The following CARS2 variants were observed in gnomAD, a reference collection of about 807,000 sequenced individuals.
CARS2 encodes probable cysteine--tRNA ligase, mitochondrial.
In CARS2, 52 loss-of-function variants were observed where a neutral mutation model predicts 68.8. The observed-to-expected ratio is 0.76, with a 90% CI of 0.61 to 0.95. The LOEUF is 0.95. CARS2 is among the 40% of genes least tolerant of loss of function. The pLI, the probability that CARS2 is intolerant of heterozygous loss-of-function variation, is 0.00. For missense variants in CARS2, 780 were observed against 754.2 expected (o/e 1.03, Z -0.40); for synonymous variants, 314 against 303.6 (o/e 1.03, Z -0.36).
At chr13:110,659,543 G>A (rs1053273534) in intron 9 of CARS2, among the ~76,000 whole-genome samples, 1 of 151,388 alleles carries the variant, frequency 6.6e-6, no homozygotes, top group African/African-American at 2.4e-5. Flanking sequence ...GCAGACCTCA[G>A]ACATACTGAA....
At chr13:110,647,824 TG>T (rs1202015282) in intron 10 of CARS2, among the ~76,000 whole-genome samples, 2 of 152,254 alleles carry the variant, frequency 1.3e-5, no homozygotes, top group African/African-American at 4.8e-5. Context: ...TGCATTCTGA[TG>T]GGTAAGACAA....
Position 110,650,992 on chromosome 13 carries a change from C to G in CARS2, c.1054+42G>C. ...TTCAGTCCTGTCAGAATGACTGTCT[C>G]CGAGCTGGGGGGGGAGTCCACTCCA... On this transcript the variant is annotated intron_variant, in intron 10 of 14. Coordinates refer to ENST00000257347, the MANE Select transcript of CARS2 (RefSeq NM_024537.4). The G allele has an allele frequency of 2.0e-6, 3 of 1,481,510 alleles. No individual in the cohort carries two copies. In the South Asian group the frequency reaches 3.5e-5, roughly 17 times the overall value. The allele number at this position is 1,481,510 out of a possible 1,614,324, so 91.8% of individuals were successfully genotyped here.
At chr13:110,712,691 G>A (rs769229308) in intron 1 of CARS2, 11 of 673,924 alleles carry the variant, frequency 1.6e-5, no homozygotes, top group South Asian at 1.2e-4. Flanking sequence ...CCGGCCGACC[G>A]GGTGTCTGCA....
rs2139707757 is a variant in CARS2, at chr13:110,653,051, A to G, written c.988-1951T>C. On this transcript the variant is annotated intron_variant, in intron 9 of 14. Coordinates refer to ENST00000257347, the MANE Select transcript of CARS2 (RefSeq NM_024537.4). The surrounding 1 kb of genome is among the most constrained non-coding windows in gnomAD (Gnocchi z 5.6). ...CGCTGAGCTAACCGCTGAGTCAAGC[A>G]GAGCCCCCGCTCCTCTACTTCAGTA... Among the ~76,000 whole-genome samples, 1 of 152,298 alleles carries G rather than the reference A, an allele frequency of 6.6e-6. No individual in the cohort carries two copies. The highest frequency in any genetic ancestry group is 1.9e-4 in the East Asian group (1 of 5,178).
chr13:110,644,794 G>C (rs1594211604), intron 12 of CARS2: 3 of 301,372 alleles, frequency 1.0e-5, no homozygotes, highest in Non-Finnish European at 1.9e-5. Context: ...TGGAGGCTGA[G>C]TGGGCACTGG....
intron 13 of CARS2, chr13:110,644,085 A>G: frequency 3.1e-6 from 4 of 1,305,842 alleles, no homozygotes; most frequent in Non-Finnish European, 4.0e-6. Context: ...ACTTCTGCAC[A>G]TTCTGAGAGT....
At chr13:110,678,820 C>T (rs559701050) in intron 6 of CARS2, among the ~76,000 whole-genome samples, 27 of 152,056 alleles carry the variant, frequency 1.8e-4, no homozygotes, top group Non-Finnish European at 3.5e-4. Context: ...AGGGAAAAAG[C>T]GGACCTGGAG....
chr13:110,653,688 C>A lies in CARS2; in HGVS notation c.988-2588G>T, dbSNP rs1198745699. On this transcript the variant is annotated intron_variant, in intron 9 of 14. Transcript: ENST00000257347. This position sits in a 1 kb window ranked among gnomAD's most constrained non-coding sequence, Gnocchi z 5.6. ...TCTTCCCTGCTCTTGCGGGGGCGGG[C>A]GCTACTGCAGCGAGCTATAGTAGTA... Among the ~76,000 whole-genome samples, 3 of 152,190 alleles carry A rather than the reference C, an allele frequency of 2.0e-5. No homozygotes were observed. The highest frequency in any genetic ancestry group is 1.3e-4 in the Admixed American group (2 of 15,284).
chr13:110,663,552 G>A, intron 8 of CARS2, 34 bp from the exon 9 acceptor site: 1 of 1,607,438 alleles, frequency 6.2e-7, no homozygotes. Flanking sequence ...AGTCTGAGCT[G>A]GGTGAGGAGA....
At position 110,705,552 on chromosome 13, in the gene CARS2, C is replaced by T. The variant is rs117788141; in HGVS notation, c.244G>A (p.Val82Ile). 1,418 of 1,613,236 alleles carry T rather than the reference C, an allele frequency of 8.8e-4. No individual in the cohort carries two copies. The highest frequency in any genetic ancestry group is 1.1e-3 in the Non-Finnish European group (1,340 of 1,179,316). The part of the protein sequence containing the change: ...AASWYSCGPT[V>I]YDHAHLGHAC... ...TGGCCAAGGTGCGCATGATCATATA[C>T]AGTTGGTCCACAGCTATACCTGGAA... Residue 82 changes from valine (V) to isoleucine (I), a missense_variant, in exon 2 of 15, where the codon GTA (valine) becomes ATA (isoleucine). Val to Ile is a conservative substitution (Grantham distance 29). Transcript: ENST00000257347. The surrounding 1 kb of genome is among the most constrained non-coding windows in gnomAD (Gnocchi z 4.0).
At position 110,647,077 on chromosome 13, in the gene CARS2, CCGGGTGCTAGG is replaced by C. The variant is rs1888230504; in HGVS notation, c.1193+13_1193+23del. 6.5e-7 allele frequency: 1 copy of C among 1,545,232 alleles called. No homozygotes were observed. Among genetic ancestry groups the C allele is most frequent in the South Asian group, 1.2e-5 (1 of 84,710 alleles). On this transcript the variant is annotated intron_variant, in intron 11 of 14. Coordinates refer to ENST00000257347, the MANE Select transcript of CARS2 (RefSeq NM_024537.4). ...AGCAGGCCACAGGAGGGGTGCCACGCCGGGTGCTAGGCGGGCCTCTTACCTCTCCCACAGCA... is the reference window on the plus strand; with the variant it reads ...AGCAGGCCACAGGAGGGGTGCCACGCCGGGCCTCTTACCTCTCCCACAGCA...
intron 3 of CARS2, among the ~76,000 whole-genome samples, chr13:110,700,433 C>G (rs972852077): frequency 1.3e-5 from 2 of 152,138 alleles, no homozygotes; most frequent in Non-Finnish European, 2.9e-5. Context: ...TCTGAAGGCA[C>G]GCGTGGCGTG....
intron 9 of CARS2, among the ~76,000 whole-genome samples, chr13:110,655,201 A>G (rs1304373047): frequency 6.6e-6 from 1 of 152,138 alleles, no homozygotes; most frequent in Non-Finnish European, 1.5e-5. Flanking sequence ...AAGGATATTC[A>G]TCACAGCACT....
At chr13:110,699,389 G>A (rs550898423) in intron 3 of CARS2, among the ~76,000 whole-genome samples, 10 of 152,310 alleles carry the variant, frequency 6.6e-5, no homozygotes, top group African/African-American at 2.4e-4. Context: ...GGTGACAGGT[G>A]CATGGGTTCA....
chr13:110,709,466 G>T (rs186022754), upstream of CARS2, among the ~76,000 whole-genome samples: 564 of 152,264 alleles, frequency 3.7e-3, 2 homozygotes, highest in Middle Eastern at 6.8e-3. Flanking sequence ...CCTAATGATG[G>T]TTAGAAATGT....
In CARS2 at chr13:110,670,650, C is replaced by A. The variant is rs2062777124; in HGVS notation, c.786-3177G>T. Among the ~76,000 whole-genome samples, 1 of 152,190 alleles carries A rather than the reference C, an allele frequency of 6.6e-6. No individual in the cohort carries two copies. The highest frequency in any genetic ancestry group is 1.5e-5 in the Non-Finnish European group (1 of 68,034). On this transcript the variant is annotated intron_variant, in intron 7 of 14. Coordinates refer to ENST00000257347, the MANE Select transcript of CARS2 (RefSeq NM_024537.4). This position sits in a 1 kb window ranked among gnomAD's most constrained non-coding sequence, Gnocchi z 4.1. ...GAAAATTCTAAAAATCAGAGCGCCT[C>A]TTCTCCTCCAAAGAAACGCAGCTCC...
chr13:110,708,897 G>A (rs949507331), upstream of CARS2, among the ~76,000 whole-genome samples: 4 of 151,800 alleles, frequency 2.6e-5, no homozygotes, highest in Admixed American at 6.6e-5. Flanking sequence ...GGGATTACAG[G>A]TGCGTGCCAC....
intron 9 of CARS2, among the ~76,000 whole-genome samples, chr13:110,654,842 C>A (rs547024684): frequency 3.1e-4 from 44 of 141,850 alleles, no homozygotes; most frequent in Non-Finnish European, 4.2e-4. Flanking sequence ...CCGGAGCCCA[C>A]AAGTTCCAGG....
rs2063466145 is a variant in CARS2, at chr13:110,691,798, G to A, written c.394-3780C>T. Among the ~76,000 whole-genome samples, 7 of 152,052 alleles carry A rather than the reference G, an allele frequency of 4.6e-5. No individual in the cohort carries two copies. In the South Asian group the frequency reaches 1.5e-3, roughly 32 times the overall value. On this transcript the variant is annotated intron_variant, in intron 3 of 14. Coordinates refer to ENST00000257347, the MANE Select transcript of CARS2 (RefSeq NM_024537.4). ...AATTTCTGCAGGCTTTAAAGCCACA[G>A]ATAACAGATCAGCAGATGCTTGGAC...
Sources: gnomAD v4.1 joint callset for allele counts (sites outside exome capture counted in the v4.1 genomes callset) on GRCh38, gnomAD v4.1.1 for gene constraint, Gnocchi (gnomAD v3.1) non-coding constraint, MANE v1.5 for transcripts, NCBI Gene and HGNC (gene_info 2026-07-23, HGNC 2026-07-21) for gene names.